Variants in TIMP2 observed in about 807,000 individuals in gnomAD.
TIMP2 encodes the protein TIMP metallopeptidase inhibitor 2.
In TIMP2, 5 loss-of-function variants were observed where a neutral mutation model predicts 24.3. The observed-to-expected ratio is 0.21, with a 90% CI of 0.11 to 0.43. The LOEUF (loss-of-function observed/expected upper bound fraction) is 0.43, where lower values mean the gene tolerates loss of function less well. Ranked by LOEUF, TIMP2 falls within the 20% of genes least tolerant of loss-of-function variation. The pLI is 1.00. For synonymous variants in TIMP2, 130 were observed against 123.2 expected (o/e 1.06, Z -0.37); for missense variants, 221 against 297.5 (o/e 0.74, Z 1.89).
chr17:78,857,478 C>T, intron 4 of TIMP2, 44 bp downstream of exon 4: 1 of 1,613,012 alleles, frequency 6.2e-7, no homozygotes, highest in Non-Finnish European at 8.5e-7. Context: ...CATCTGGAGA[C>T]ACTGGGAGGA....
chr17:78,925,075 G>A lies in TIMP2; in HGVS notation c.14C>T (p.Ala5Val), dbSNP rs1178979887. MGAA[A>V]RTLRLALGLL... ...GCCGAGCGCCAGCCGCAGGGTGCGG[G>A]CCGCGGCGCCCATGGCGGGCCGGGG... Residue 5 changes from alanine (A) to valine (V), a missense_variant, in exon 1 of 5, where the codon GCC becomes GTC. Transcript: ENST00000262768. 16 of 1,036,504 alleles carry A rather than the reference G, an allele frequency of 1.5e-5. No individual in the cohort carries two copies. The South Asian group carries it at 3.6e-4, about 24-fold the overall frequency. The allele number at this position is 1,036,504 out of a possible 1,614,324, so 64.2% of individuals were successfully genotyped here. A position where few individuals can be genotyped will look rare whatever the true frequency, so the allele number is the denominator to read the frequency against.
At chr17:78,894,997 A>G (rs2069975803) in intron 1 of TIMP2, among the ~76,000 whole-genome samples, 1 of 152,256 alleles carries the variant, frequency 6.6e-6, no homozygotes, top group East Asian at 1.9e-4. Flanking sequence ...TCAGCAAAAG[A>G]AGGACAGGTG....
intron 1 of TIMP2, among the ~76,000 whole-genome samples, chr17:78,879,036 C>A (rs1188983299): frequency 2.0e-5 from 3 of 152,212 alleles, no homozygotes; most frequent in Admixed American, 6.5e-5. Flanking sequence ...CACCAGTTGG[C>A]ATAGCGGGAT....
intron 1 of TIMP2, among the ~76,000 whole-genome samples, chr17:78,913,309 G>A (rs1243783298): frequency 6.6e-6 from 1 of 152,222 alleles, no homozygotes; most frequent in Non-Finnish European, 1.5e-5. Flanking sequence ...TCTGGAAGCT[G>A]CAAAATTAGA....
At chr17:78,861,338 G>A (rs931650598) in intron 3 of TIMP2, among the ~76,000 whole-genome samples, 1 of 152,156 alleles carries the variant, frequency 6.6e-6, no homozygotes, top group African/African-American at 2.4e-5. Context: ...TATTAGATTT[G>A]CCTTTCTTCT....
At position 78,896,981 on chromosome 17, in the gene TIMP2, C is replaced by A; in HGVS notation, c.131-23062G>T. The stretch of plus-strand genomic sequence containing the variant: ...CTGGCCTACAGCTTGAGAATGACGT[C>A]CAAGCAGCTCGCCTTTCCCTGGGCG... On this transcript the variant is annotated intron_variant, in intron 1 of 4. Coordinates refer to ENST00000262768, the MANE Select transcript of TIMP2 (RefSeq NM_003255.5). This position sits in a 1 kb window ranked among gnomAD's most constrained non-coding sequence, Gnocchi z 4.4. 3.0e-6 allele frequency: 3 copies of A among 985,434 alleles called. No individual in the cohort carries two copies. Among genetic ancestry groups the A allele is most frequent in the Non-Finnish European group, 3.6e-6 (3 of 829,932 alleles). The allele number at this position is 985,434 out of a possible 1,614,324, so 61.0% of individuals were successfully genotyped here.
At chr17:78,870,421 A>AAAAGAAAGAAAGAAAGAAAGAAAG (rs374853871) in intron 3 of TIMP2, among the ~76,000 whole-genome samples, 2 of 68,404 alleles carry the variant, frequency 2.9e-5, no homozygotes, top group Admixed American at 1.8e-4. Flanking sequence ...GTCTCAAAAA[A>AAAAGAAAGAAAGAAAGAAAGAAAG]AAAGAAAGAA....
At chr17:78,863,489 G>A (rs1050674913) in intron 3 of TIMP2, among the ~76,000 whole-genome samples, 1 of 152,096 alleles carries the variant, frequency 6.6e-6, no homozygotes, top group African/African-American at 2.4e-5. Flanking sequence ...TGATCCACTC[G>A]CCTCAGCCTC....
intron 1 of TIMP2, among the ~76,000 whole-genome samples, chr17:78,908,250 G>A (rs1349668756): frequency 3.3e-5 from 5 of 152,162 alleles, no homozygotes; most frequent in Admixed American, 6.5e-5. Flanking sequence ...TAACGTTTCC[G>A]TAAGATAAGC....
intron 1 of TIMP2, among the ~76,000 whole-genome samples, chr17:78,911,422 GTTTTTGT>G (rs144741771): frequency 0.084 from 12,672 of 151,596 alleles, 552 homozygotes; most frequent in Middle Eastern, 0.12. Context: ...TGCTTTTGTT[GTTTTTGT>G]TTTTTGTTTT....
intron 1 of TIMP2, among the ~76,000 whole-genome samples, chr17:78,883,812 G>A (rs765889262): frequency 1.8e-4 from 28 of 152,048 alleles, no homozygotes; most frequent in Non-Finnish European, 3.7e-4. Flanking sequence ...CCTTCCTGCC[G>A]CCCTCCCCAA....
chr17:78,888,041 C>T (rs1046478195), intron 1 of TIMP2, among the ~76,000 whole-genome samples: 5 of 152,102 alleles, frequency 3.3e-5, no homozygotes, highest in African/African-American at 1.2e-4. Context: ...CACATAATAT[C>T]CTTTTTATAA....
chr17:78,897,896 G>A (rs1209626733), intron 1 of TIMP2: 1 of 152,226 alleles, frequency 6.6e-6, no homozygotes, highest in African/African-American at 2.4e-5. Context: ...ACACGGAAAT[G>A]GGTACAAACT....
intron 1 of TIMP2, among the ~76,000 whole-genome samples, chr17:78,890,270 C>T (rs1339063519): frequency 4.0e-5 from 6 of 149,526 alleles, no homozygotes; most frequent in East Asian, 2.0e-4. Context: ...GGTGCAATCT[C>T]GACTCACTGC....
chr17:78,874,376 G>A (rs1029559402), intron 1 of TIMP2, among the ~76,000 whole-genome samples: 7 of 152,016 alleles, frequency 4.6e-5, no homozygotes, highest in Admixed American at 1.3e-4. Context: ...CACACATTCC[G>A]CGAAGGATGG....
chr17:78,882,557 A>T (rs2145761554), intron 1 of TIMP2, among the ~76,000 whole-genome samples: 1 of 152,350 alleles, frequency 6.6e-6, no homozygotes, highest in East Asian at 1.9e-4. Flanking sequence ...GGATCACAGT[A>T]AAGACAGCTT....
At chr17:78,872,654 A>C (rs571809107) in intron 2 of TIMP2, among the ~76,000 whole-genome samples, 1 of 152,286 alleles carries the variant, frequency 6.6e-6, no homozygotes, top group African/African-American at 2.4e-5. Flanking sequence ...TTTCCTGGGC[A>C]CTGGCACTGG....
In TIMP2 at chr17:78,854,921, CGGGGGGGGG is replaced by C. The variant is rs71161632; in HGVS notation, c.*737_*745del. The C allele has an allele frequency of 2.3e-4, 9 of 39,092 alleles. No individual in the cohort carries two copies. The highest frequency in any genetic ancestry group is 4.7e-4 in the Non-Finnish European group (9 of 19,170). The allele number at this position is 39,092 out of a possible 1,614,324, so 2.4% of individuals were successfully genotyped here. A position where few individuals can be genotyped will look rare whatever the true frequency, so the allele number is the denominator to read the frequency against. On this transcript the variant is annotated 3_prime_UTR_variant, in exon 5 of 5. Coordinates refer to ENST00000262768, the MANE Select transcript of TIMP2 (RefSeq NM_003255.5). ...TCCTGCAAGCTGGGGAGCATGTGGG[CGGGGGGGGG>C]GGGGTGGGGGGGTGGGTGCAGACCA...
chr17:78,918,082 A>ACT lies in TIMP2; in HGVS notation c.130+6876_130+6877insAG, dbSNP rs1555652991. Among the ~76,000 whole-genome samples, 403 of 148,088 alleles carry ACT rather than the reference A, an allele frequency of 2.7e-3. 1 individual carries two copies. The highest frequency in any genetic ancestry group is 0.01 in the Middle Eastern group (3 of 294). On this transcript the variant is annotated intron_variant, in intron 1 of 4. Transcript: ENST00000262768. ...CACACACAAACACACACACACACAC[A>ACT]CACACACACACACACACAACTTCAC...
Sources: gnomAD v4.1 joint callset for allele counts (sites outside exome capture counted in the v4.1 genomes callset) on GRCh38, gnomAD v4.1.1 for gene constraint, Gnocchi (gnomAD v3.1) non-coding constraint, MANE v1.5 for transcripts, NCBI Gene and HGNC (gene_info 2026-07-23, HGNC 2026-07-21) for gene names.